RCAN2: variants seen among roughly 807,000 people sequenced by gnomAD.
RCAN2 encodes the protein calcipressin-2.
A neutral mutation model predicts 23.6 loss-of-function variants in RCAN2; 9 were observed. The ratio of observed to expected loss-of-function variants is 0.38; its 90% confidence interval spans 0.23 to 0.67. The LOEUF (loss-of-function observed/expected upper bound fraction) is 0.67. Ranked by LOEUF, RCAN2 falls within the 30% of genes least tolerant of loss-of-function variation. The pLI, the probability that RCAN2 is intolerant of heterozygous loss-of-function variation, is 0.51. For synonymous variants in RCAN2, 109 were observed against 115.7 expected (o/e 0.94, Z 0.37); for missense variants, 273 against 302.3 (o/e 0.90, Z 0.72).
At chr6:46,489,577 A>C (rs1032029157) in intron 1 of RCAN2, among the ~76,000 whole-genome samples, 1 of 152,254 alleles carries the variant, frequency 6.6e-6, no homozygotes, top group African/African-American at 2.4e-5. Context: ...TAACACCGTG[A>C]TGTGCACTTA....
intron 1 of RCAN2, among the ~76,000 whole-genome samples, chr6:46,473,288 A>G (rs1371355773): frequency 1.3e-5 from 2 of 152,130 alleles, no homozygotes; most frequent in Non-Finnish European, 2.9e-5. Context: ...ATAATCAATT[A>G]TGACTCTACC....
intron 2 of RCAN2, among the ~76,000 whole-genome samples, chr6:46,453,817 A>G (rs979472123): frequency 6.6e-6 from 1 of 152,250 alleles, no homozygotes; most frequent in Admixed American, 6.5e-5. Context: ...GACAAAGGCT[A>G]AACTTAAATG....
chr6:46,375,646 G>A (rs1463182311), intron 2 of RCAN2, among the ~76,000 whole-genome samples: 1 of 152,192 alleles, frequency 6.6e-6, no homozygotes, highest in African/African-American at 2.4e-5. Context: ...TCAGGGATCA[G>A]CAAACTTTTG....
In RCAN2 at chr6:46,263,732, T is replaced by TA. The variant is rs55819293; in HGVS notation, c.226-14837dup. 9.7e-3 allele frequency among the ~76,000 whole-genome samples: 1,411 copies of TA among 145,320 alleles called. 8 individuals are homozygous for TA. Among genetic ancestry groups the TA allele is most frequent in the South Asian group, 0.03 (139 of 4,572 alleles). On this transcript the variant is annotated intron_variant, in intron 2 of 4. Transcript: ENST00000371374. ...ATTTACATTAATATGATGTTGTTTC[T>TA]AAAAAAAAAAAAAGGTATTTCAAGG...
At chr6:46,317,424 G>T (rs1291539193) in intron 2 of RCAN2, among the ~76,000 whole-genome samples, 1 of 152,034 alleles carries the variant, frequency 6.6e-6, no homozygotes, top group Non-Finnish European at 1.5e-5. Context: ...TATCTTCCCA[G>T]CTTTATACCC....
chr6:46,367,078 T>C (rs1765198229), intron 2 of RCAN2, among the ~76,000 whole-genome samples: 1 of 135,248 alleles, frequency 7.4e-6, no homozygotes, highest in South Asian at 2.5e-4. Flanking sequence ...CCAACAATTA[T>C]AAAATTACAT....
At chr6:46,264,493 C>T (rs961537251) in intron 2 of RCAN2, among the ~76,000 whole-genome samples, 2 of 152,162 alleles carry the variant, frequency 1.3e-5, no homozygotes, top group Non-Finnish European at 2.9e-5. Flanking sequence ...CTCACCTTTT[C>T]TATTTGTTTT....
At chr6:46,330,836 ACT>A (rs963586910) in intron 2 of RCAN2, among the ~76,000 whole-genome samples, 2 of 152,010 alleles carry the variant, frequency 1.3e-5, no homozygotes. Context: ...AAATTTAGAA[ACT>A]CGACACAGTG....
At chr6:46,459,652 C>T (rs937965715) in intron 1 of RCAN2, among the ~76,000 whole-genome samples, 3 of 152,156 alleles carry the variant, frequency 2.0e-5, no homozygotes, top group Non-Finnish European at 4.4e-5. Context: ...AGTTTCATTA[C>T]TAACTCACCC....
At chr6:46,301,576 C>T (rs1762904337) in intron 2 of RCAN2, among the ~76,000 whole-genome samples, 2 of 152,042 alleles carry the variant, frequency 1.3e-5, no homozygotes, top group South Asian at 2.1e-4. Context: ...AAGCTTGTTC[C>T]TTGTAGGCTT....
intron 2 of RCAN2, among the ~76,000 whole-genome samples, chr6:46,405,283 G>A (rs772965342): frequency 6.6e-6 from 1 of 152,152 alleles, no homozygotes; most frequent in East Asian, 1.9e-4. Flanking sequence ...CCCAAAGAGC[G>A]ATCAGCAGCA....
chr6:46,310,727 T>C (rs891482730), intron 2 of RCAN2, among the ~76,000 whole-genome samples: 2 of 152,188 alleles, frequency 1.3e-5, no homozygotes, highest in African/African-American at 4.8e-5. Context: ...AGTGACCTTA[T>C]AGAGAATTTG....
chr6:46,414,477 A>G (rs1261872859), intron 2 of RCAN2, among the ~76,000 whole-genome samples: 2 of 152,244 alleles, frequency 1.3e-5, no homozygotes, highest in Admixed American at 1.3e-4. Flanking sequence ...GAACTTGGCT[A>G]GGTCACAGTG....
At chr6:46,339,014 CA>C (rs3997300) in intron 2 of RCAN2, among the ~76,000 whole-genome samples, 2,004 of 47,012 alleles carry the variant, frequency 0.043, 26 homozygotes, top group East Asian at 0.21. Context: ...GACCCTGTCT[CA>C]AAAAAAAAAA....
chr6:46,266,722 C>T (rs1029597182), intron 2 of RCAN2, among the ~76,000 whole-genome samples: 1 of 152,156 alleles, frequency 6.6e-6, no homozygotes, highest in Non-Finnish European at 1.5e-5. Flanking sequence ...CCCACAGGGT[C>T]CCAGTGATCA....
intron 2 of RCAN2, among the ~76,000 whole-genome samples, chr6:46,337,157 A>AT (rs940598102): frequency 2.0e-5 from 3 of 151,980 alleles, no homozygotes; most frequent in Non-Finnish European, 2.9e-5. Context: ...CCATGTTAAA[A>AT]AAAAGCAAAA....
At chr6:46,315,346 A>G (rs766071014) in intron 2 of RCAN2, among the ~76,000 whole-genome samples, 33 of 152,152 alleles carry the variant, frequency 2.2e-4, no homozygotes, top group Non-Finnish European at 2.8e-4. Flanking sequence ...AACACACAAT[A>G]CAACATCTTG....
intron 2 of RCAN2, among the ~76,000 whole-genome samples, chr6:46,335,569 TC>T (rs1764115619): frequency 1.3e-5 from 2 of 152,312 alleles, no homozygotes; most frequent in South Asian, 4.1e-4. Flanking sequence ...CTCCTCCTTC[TC>T]CCAAGCAGTC....
At chr6:46,423,888 A>T (rs987046733) in intron 2 of RCAN2, among the ~76,000 whole-genome samples, 1 of 152,226 alleles carries the variant, frequency 6.6e-6, no homozygotes, top group Non-Finnish European at 1.5e-5. Context: ...ACTACTTCAC[A>T]TAATTCAATC....
Sources: gnomAD v4.1 joint callset for allele counts (sites outside exome capture counted in the v4.1 genomes callset) on GRCh38, gnomAD v4.1.1 for gene constraint, MANE v1.5 for transcripts, NCBI Gene and HGNC (gene_info 2026-07-23, HGNC 2026-07-21) for gene names.